LARGE1: variants seen among roughly 807,000 people sequenced by gnomAD.
LARGE1 encodes LARGE xylosyl- and glucuronyltransferase 1, also known as xylosyl- and glucuronyltransferase LARGE1.
LARGE1 carries 43 observed loss-of-function variants against 87.6 expected under a neutral mutation model. The observed-to-expected ratio is 0.49, with a 90% CI of 0.38 to 0.63. LARGE1 has a LOEUF of 0.63. Among genes scored for constraint, LARGE1 ranks in the 30% least tolerant of loss-of-function variants. The pLI is 0.00. For missense variants in LARGE1, 802 were observed against 1,000.2 expected (o/e 0.80, Z 2.67); for synonymous variants, 434 against 394.6 (o/e 1.10, Z -1.18).
At chr22:33,658,336 G>A (rs1329620151) in intron 2 of LARGE1, among the ~76,000 whole-genome samples, 1 of 152,156 alleles carries the variant, frequency 6.6e-6, no homozygotes, top group Non-Finnish European at 1.5e-5. Flanking sequence ...ATGCAGGTTT[G>A]TTACATGGTA....
intron 2 of LARGE1, among the ~76,000 whole-genome samples, chr22:33,667,105 T>C (rs2081290466): frequency 6.6e-6 from 1 of 152,238 alleles, no homozygotes; most frequent in African/African-American, 2.4e-5. Flanking sequence ...AGGGTTATAA[T>C]TACTCAGCCC....
At chr22:33,305,376 A>C (rs1934742419) in intron 11 of LARGE1, among the ~76,000 whole-genome samples, 1 of 149,704 alleles carries the variant, frequency 6.7e-6, no homozygotes, top group African/African-American at 2.5e-5. Flanking sequence ...AAAAAAAAAA[A>C]GGTGTGTGTG....
At chr22:33,306,851 G>C (rs1257644653) in intron 11 of LARGE1, among the ~76,000 whole-genome samples, 1 of 131,414 alleles carries the variant, frequency 7.6e-6, no homozygotes, top group Non-Finnish European at 1.6e-5. Context: ...TCCAGAGTGA[G>C]AATCTGTCTC....
chr22:33,462,064 A>G (rs374557111), intron 6 of LARGE1, among the ~76,000 whole-genome samples: 20 of 152,256 alleles, frequency 1.3e-4, no homozygotes, highest in African/African-American at 4.6e-4. Flanking sequence ...GTAATTTATT[A>G]TTCATGAATA....
chr22:33,463,820 C>T (rs1042742814), intron 6 of LARGE1, among the ~76,000 whole-genome samples: 1 of 152,048 alleles, frequency 6.6e-6, no homozygotes, highest in African/African-American at 2.4e-5. Flanking sequence ...TTACAGGTGC[C>T]TGCTACCACG....
chr22:33,795,093 C>T (rs1282453262), intron 1 of LARGE1, among the ~76,000 whole-genome samples: 6 of 152,188 alleles, frequency 3.9e-5, no homozygotes, highest in Admixed American at 3.9e-4. Context: ...TTTAAGAGAA[C>T]TAGTCTTTAA....
intron 1 of LARGE1, among the ~76,000 whole-genome samples, chr22:33,837,990 G>A (rs1348689568): frequency 6.6e-6 from 1 of 152,210 alleles, no homozygotes; most frequent in African/African-American, 2.4e-5. Flanking sequence ...CTGGCAACTC[G>A]CAATCACTGT....
chr22:33,914,501 G>C (rs914962473), intron 1 of LARGE1, among the ~76,000 whole-genome samples: 2 of 152,178 alleles, frequency 1.3e-5, no homozygotes, highest in African/African-American at 4.8e-5. Context: ...TTCTCAAATA[G>C]TGGTCAAAGA....
chr22:33,565,565 G>C (rs1941756094), intron 5 of LARGE1, among the ~76,000 whole-genome samples: 2 of 152,216 alleles, frequency 1.3e-5, no homozygotes, highest in African/African-American at 4.8e-5. Context: ...AGATAAATAA[G>C]AGGACCTAGT....
chr22:33,623,783 C>A (rs1464061065), intron 4 of LARGE1, among the ~76,000 whole-genome samples: 2 of 151,356 alleles, frequency 1.3e-5, no homozygotes, highest in African/African-American at 4.9e-5. Context: ...GTAATCCCAG[C>A]ACTTTGGGAG....
intron 3 of LARGE1, among the ~76,000 whole-genome samples, chr22:33,647,947 C>T (rs575219583): frequency 5.9e-5 from 9 of 152,178 alleles, no homozygotes; most frequent in East Asian, 3.9e-4. Flanking sequence ...TTAGTAGAGA[C>T]GGGGTTTCAC....
At chr22:33,283,386 T>C (rs750442305) in intron 12 of LARGE1, 38 bp from the exon 13 acceptor site, 1 of 1,613,170 alleles carries the variant, frequency 6.2e-7, no homozygotes, top group East Asian at 2.2e-5. Flanking sequence ...AGAGTCCCTG[T>C]GACACCAGGC....
the LARGE1 span, among the ~76,000 whole-genome samples, chr22:33,089,644 C>T: frequency 5.9e-5 from 9 of 151,626 alleles, no homozygotes; most frequent in South Asian, 2.1e-4. Flanking sequence ...ACTACAGGCA[C>T]GTGCACCACA....
rs192990342 is a variant in LARGE1 at position 33,225,179 on chromosome 22, G to A, written c.1731-58347C>T. On this transcript the variant is annotated intron_variant, in intron 11 of 11. Coordinates refer to the LARGE1 transcript ENST00000608642. ...AGAGGTGTCCCTGGGTGCTACAGCC[G>A]TGGGCATGATAGAGACCAACCAGGA... Among the ~76,000 whole-genome samples the A allele has an allele frequency of 4.6e-5, 7 of 152,242 alleles. No homozygotes were observed. In the East Asian group the frequency reaches 7.7e-4, roughly 17 times the overall value.
chr22:33,605,138 A>C (rs2079218064), intron 4 of LARGE1, among the ~76,000 whole-genome samples: 1 of 151,890 alleles, frequency 6.6e-6, no homozygotes, highest in Admixed American at 6.6e-5. Flanking sequence ...GAAATAGACC[A>C]CTTCCAGGTT....
intron 11 of LARGE1, among the ~76,000 whole-genome samples, chr22:33,223,867 TA>T: frequency 6.6e-6 from 1 of 152,172 alleles, no homozygotes; most frequent in Non-Finnish European, 1.5e-5. Context: ...TTGTTTTTGC[TA>T]TAGGACAGTC....
intron 11 of LARGE1, among the ~76,000 whole-genome samples, chr22:33,190,899 C>T (rs746848671): frequency 1.5e-4 from 23 of 152,194 alleles, no homozygotes; most frequent in Non-Finnish European, 2.8e-4. Context: ...CCTGGGAAAT[C>T]TTTTTTTGCC....
chr22:33,888,912 A>T (rs1420489769), intron 1 of LARGE1, among the ~76,000 whole-genome samples: 1 of 152,190 alleles, frequency 6.6e-6, no homozygotes, highest in Non-Finnish European at 1.5e-5. Flanking sequence ...GTTTTGTAAC[A>T]TACTTCACTC....
At chr22:33,102,634 T>G in the LARGE1 span, among the ~76,000 whole-genome samples, 1 of 152,120 alleles carries the variant, frequency 6.6e-6, no homozygotes, top group Admixed American at 6.5e-5. Flanking sequence ...GGATCACAGG[T>G]GCCTGCCACC....
Sources: allele counts gnomAD v4.1 joint callset (sites outside exome capture counted in the v4.1 genomes callset), GRCh38; gene constraint gnomAD v4.1.1; transcripts MANE v1.5; gene names NCBI Gene and HGNC (gene_info 2026-07-23, HGNC 2026-07-21).